Variants in NELL1 observed in about 807,000 individuals in gnomAD.
NELL1 encodes neural EGFL like 1.
Under a neutral mutation model 107.4 loss-of-function variants are expected in NELL1, and 76 were observed. The ratio of observed to expected loss-of-function variants is 0.71; its 90% CI spans 0.59 to 0.86. The LOEUF (loss-of-function observed/expected upper bound fraction) is 0.86, where lower values mean the gene tolerates loss of function less well. Ranked by LOEUF, NELL1 falls within the 40% of genes least tolerant of loss-of-function variation. The pLI, the probability that NELL1 is intolerant of heterozygous loss-of-function variation, is 0.00. For synonymous variants in NELL1, 353 were observed against 341.2 expected (o/e 1.03, Z -0.38); for missense variants, 1,024 against 1,005.5 (o/e 1.02, Z -0.25).
At chr11:20,702,952 A>T (rs181166679) in intron 2 of NELL1, among the ~76,000 whole-genome samples, 1 of 152,170 alleles carries the variant, frequency 6.6e-6, no homozygotes, top group Admixed American at 6.6e-5. Context: ...TTCATCAGGC[A>T]TAGTGGTCTA....
intron 2 of NELL1, among the ~76,000 whole-genome samples, chr11:20,781,882 A>AC: frequency 6.7e-6 from 1 of 148,550 alleles, no homozygotes; most frequent in East Asian, 2.0e-4. Context: ...TACAAAAAAA[A>AC]AAAAAAAAAA....
At chr11:20,806,120 A>G (rs1482020253) in intron 3 of NELL1, among the ~76,000 whole-genome samples, 1 of 147,182 alleles carries the variant, frequency 6.8e-6, no homozygotes, top group Non-Finnish European at 1.5e-5. Flanking sequence ...CTGCTTATTA[A>G]TGTCCTTTTT....
At chr11:20,864,646 C>G (rs554932798) in intron 4 of NELL1, among the ~76,000 whole-genome samples, 2 of 152,350 alleles carry the variant, frequency 1.3e-5, no homozygotes, top group South Asian at 4.1e-4. Flanking sequence ...CTCTACCTGT[C>G]TGCCTGTTGC....
chr11:21,138,714 T>C (rs1409614571), intron 13 of NELL1, among the ~76,000 whole-genome samples: 1 of 152,212 alleles, frequency 6.6e-6, no homozygotes, highest in Admixed American at 6.5e-5. Context: ...TTAAAGTTAT[T>C]TTAATCAAAT....
chr11:21,212,370 G>A (rs540119442), intron 13 of NELL1, among the ~76,000 whole-genome samples: 1 of 152,248 alleles, frequency 6.6e-6, no homozygotes, highest in African/African-American at 2.4e-5. Context: ...AAGCAAAGGA[G>A]AAAAGTGACT....
At chr11:21,430,672 A>G (rs1294503487) in intron 15 of NELL1, among the ~76,000 whole-genome samples, 1 of 152,072 alleles carries the variant, frequency 6.6e-6, no homozygotes, top group African/African-American at 2.4e-5. Context: ...AATGATTCGC[A>G]GGGTGAGATG....
chr11:20,810,019 G>A (rs1426155693), intron 3 of NELL1, among the ~76,000 whole-genome samples: 1 of 151,968 alleles, frequency 6.6e-6, no homozygotes, highest in Non-Finnish European at 1.5e-5. Context: ...ATCCTTGCCA[G>A]CACTTGCTAT....
At chr11:20,976,841 C>A (rs914018275) in intron 12 of NELL1, among the ~76,000 whole-genome samples, 1 of 152,018 alleles carries the variant, frequency 6.6e-6, no homozygotes, top group Non-Finnish European at 1.5e-5. Context: ...TTATAAGTGG[C>A]AGGATTTTTT....
At chr11:21,558,338 G>A (rs1341168543) in intron 16 of NELL1, among the ~76,000 whole-genome samples, 2 of 151,594 alleles carry the variant, frequency 1.3e-5, no homozygotes, top group South Asian at 2.1e-4. Flanking sequence ...TATTTATGGT[G>A]TACAACATGA....
intron 14 of NELL1, among the ~76,000 whole-genome samples, chr11:21,289,880 G>T (rs548622315): frequency 1.2e-4 from 19 of 152,168 alleles, no homozygotes; most frequent in Non-Finnish European, 2.2e-4. Flanking sequence ...CTGCCAGGAA[G>T]TTCAAACTGG....
intron 8 of NELL1, 70 bp downstream of exon 8, chr11:20,927,512 C>T: frequency 1.4e-6 from 2 of 1,431,656 alleles, no homozygotes; most frequent in East Asian, 2.4e-5. Context: ...TAGAGTGTAA[C>T]CTGGTTCTTT....
At position 21,143,996 on chromosome 11, in the gene NELL1, A is replaced by G. The variant is rs189289164; in HGVS notation, c.1426+30282A>G. 7.9e-5 allele frequency among the ~76,000 whole-genome samples: 12 copies of G among 152,370 alleles called. No individual in the cohort carries two copies. In the South Asian group the frequency reaches 8.3e-4, roughly 11 times the overall value. On this transcript the variant is annotated intron_variant, in intron 13 of 19. Transcript: ENST00000357134. ...AGGAAGGGAAGCAAAAATGAGGAAC[A>G]GAACCAGAAAAACAGGAATGGGTTA... is the stretch of plus-strand genomic sequence containing the variant.
intron 17 of NELL1, among the ~76,000 whole-genome samples, chr11:21,567,931 T>C (rs946976493): frequency 6.6e-6 from 1 of 151,850 alleles, no homozygotes; most frequent in Non-Finnish European, 1.5e-5. Context: ...CAAGATGAGA[T>C]AAGGCTTAAT....
At chr11:21,489,438 T>A (rs987380663) in intron 15 of NELL1, among the ~76,000 whole-genome samples, 1 of 141,564 alleles carries the variant, frequency 7.1e-6, no homozygotes, top group Non-Finnish European at 1.5e-5. Context: ...CCCTAACTTG[T>A]TATCTGAGGC....
At chr11:21,152,289 T>C (rs989516655) in intron 13 of NELL1, among the ~76,000 whole-genome samples, 19 of 152,300 alleles carry the variant, frequency 1.2e-4, no homozygotes, top group Admixed American at 1.2e-3. Flanking sequence ...CCCAATTCTC[T>C]CCTCGCCACC....
intron 14 of NELL1, among the ~76,000 whole-genome samples, chr11:21,251,130 A>T (rs562568811): frequency 5.9e-5 from 9 of 152,304 alleles, no homozygotes; most frequent in African/African-American, 2.2e-4. Context: ...AGATATACTG[A>T]GACTTTAAGC....
intron 16 of NELL1, among the ~76,000 whole-genome samples, chr11:21,553,251 A>G (rs980393296): frequency 2.0e-5 from 3 of 151,836 alleles, no homozygotes; most frequent in African/African-American, 7.2e-5. Flanking sequence ...TGGATTCCCC[A>G]TGTGTATTTG....
At chr11:20,786,379 G>A (rs1417433272) in intron 3 of NELL1, among the ~76,000 whole-genome samples, 2 of 151,778 alleles carry the variant, frequency 1.3e-5, no homozygotes, top group African/African-American at 4.8e-5. Flanking sequence ...AAAGGCGGGG[G>A]GAGAAGAAAA....
chr11:21,511,729 T>A (rs1302532101), intron 15 of NELL1, among the ~76,000 whole-genome samples: 1 of 152,114 alleles, frequency 6.6e-6, no homozygotes, highest in East Asian at 1.9e-4. Flanking sequence ...ATGCAAAGGC[T>A]CCAACACAGA....
Sources: gnomAD v4.1 joint callset for allele counts (sites outside exome capture counted in the v4.1 genomes callset) on GRCh38, gnomAD v4.1.1 for gene constraint, MANE v1.5 for transcripts, NCBI Gene and HGNC (gene_info 2026-07-23, HGNC 2026-07-21) for gene names.